UBA6: variants seen among roughly 807,000 people sequenced by gnomAD.
UBA6 encodes the protein ubiquitin-like modifier-activating enzyme 6.
A neutral mutation model predicts 148.3 loss-of-function variants in UBA6; 87 were observed. That is an observed-to-expected ratio of 0.59 (90% confidence interval 0.49 to 0.70). UBA6 has a LOEUF of 0.70. UBA6 is among the 30% of genes least tolerant of loss of function. UBA6 has a pLI of 0.00. For synonymous variants in UBA6, 376 were observed against 401.0 expected (o/e 0.94, Z 0.75); for missense variants, 1,186 against 1,241.2 (o/e 0.96, Z 0.67).
intron 32 of UBA6, among the ~76,000 whole-genome samples, chr4:67,621,531 A>G (rs1458174076): frequency 1.3e-5 from 2 of 152,240 alleles, no homozygotes; most frequent in Non-Finnish European, 2.9e-5. Flanking sequence ...GGCCGGGCAC[A>G]GTGGCTCACG....
Position 67,615,405 on chromosome 4 carries a change from T to G in UBA6, c.*3592A>C, listed in dbSNP as rs2109887452. Reference sequence around the variant, plus strand: ...TGCTGAACCATGAGCCAAATAAACCTTTTTTCTTTATGAATTACCGAGTCT... The same window carrying G: ...TGCTGAACCATGAGCCAAATAAACCGTTTTTCTTTATGAATTACCGAGTCT... On this transcript the variant is annotated 3_prime_UTR_variant, in exon 33 of 33. Coordinates refer to ENST00000322244, the MANE Select transcript of UBA6 (RefSeq NM_018227.6). 1 of 152,296 alleles carries G rather than the reference T, an allele frequency of 6.6e-6. No homozygotes were observed. Among genetic ancestry groups the G allele is most frequent in the East Asian group, 1.9e-4 (1 of 5,182 alleles). The allele number at this position is 152,296 out of a possible 1,614,324, so 9.4% of individuals were successfully genotyped here.
In UBA6 at chr4:67,648,082, T is replaced by C. The variant is rs145746740; in HGVS notation, c.1248+986A>G. ...GCCACTGCGCCTGCCTTAACGGTCATCTTTAAACCAGATTTTTACTAATGT... is the reference window on the plus strand; with the variant it reads ...GCCACTGCGCCTGCCTTAACGGTCACCTTTAAACCAGATTTTTACTAATGT... On this transcript the variant is annotated intron_variant, in intron 14 of 32. Transcript: ENST00000322244. 3.7e-3 allele frequency among the ~76,000 whole-genome samples: 563 copies of C among 151,954 alleles called. 3 individuals carry two copies. Among genetic ancestry groups the C allele is most frequent in the African/African-American group, 0.013 (542 of 41,480 alleles).
intron 1 of UBA6, among the ~76,000 whole-genome samples, chr4:67,698,714 C>T (rs570909537): frequency 6.6e-6 from 1 of 152,348 alleles, no homozygotes; most frequent in East Asian, 1.9e-4. Context: ...AATCCCAGCA[C>T]TTTGGGAGGC....
chr4:67,651,421 T>C (rs961032653), intron 13 of UBA6, among the ~76,000 whole-genome samples: 1 of 152,152 alleles, frequency 6.6e-6, no homozygotes, highest in African/African-American at 2.4e-5. Flanking sequence ...CTGGTAAAAC[T>C]ATTAGATGAA....
At position 67,701,105 on chromosome 4, in the gene UBA6, C is replaced by T. The variant is rs138912167; in HGVS notation, c.15G>A (p.Glu5=). Residue 5 remains glutamate (E), a synonymous_variant, in exon 1 of 33, where the codon GAG becomes GAA. Transcript: ENST00000322244. ...CTTCCCCCTGATGGGCGGCCACAGG[C>T]TCGGATCCTTCCATTGCCGCCTGAG... The part of the protein sequence containing the change: MEGS[E]PVAAHQGEEA... 2.9e-5 allele frequency: 47 copies of T among 1,613,464 alleles called. 1 individual carries two copies. The East Asian group carries it at 9.4e-4, about 32-fold the overall frequency.
At chr4:67,690,168 A>G (rs946249669) in intron 2 of UBA6, among the ~76,000 whole-genome samples, 2 of 152,116 alleles carry the variant, frequency 1.3e-5, no homozygotes, top group Non-Finnish European at 2.9e-5. Context: ...TATCTTTGAT[A>G]AAAAAGTAGT....
chr4:67,651,820 T>C (rs1192058214), intron 13 of UBA6, among the ~76,000 whole-genome samples: 1 of 152,086 alleles, frequency 6.6e-6, no homozygotes, highest in Non-Finnish European at 1.5e-5. Context: ...AAAAATGCCA[T>C]GACATTTCAA....
chr4:67,645,583 C>T (rs376686287), intron 16 of UBA6, among the ~76,000 whole-genome samples: 12 of 149,664 alleles, frequency 8.0e-5, no homozygotes, highest in Admixed American at 2.0e-4. Flanking sequence ...AGTGACAGAG[C>T]GAGACTTTGT....
intron 6 of UBA6, 62 bp from the exon 7 acceptor site, chr4:67,673,839 T>C (rs1730211069): frequency 8.4e-7 from 1 of 1,184,184 alleles, no homozygotes; most frequent in Admixed American, 1.9e-5. Flanking sequence ...TAGTATACAA[T>C]AATCAGAAGC....
chr4:67,631,560 A>G (rs1728997381), intron 25 of UBA6, 148 bp downstream of exon 25: 2 of 594,562 alleles, frequency 3.4e-6, no homozygotes, highest in African/African-American at 1.9e-5. Context: ...TTTCTTGGTC[A>G]GAATGACTTG....
chr4:67,620,544 T>A (rs1461560352), intron 32 of UBA6, among the ~76,000 whole-genome samples: 2 of 152,080 alleles, frequency 1.3e-5, no homozygotes, highest in Non-Finnish European at 2.9e-5. Flanking sequence ...CAATGGAGCA[T>A]CATTAGAGTG....
chr4:67,648,637 T>C (rs1729480923), intron 14 of UBA6, among the ~76,000 whole-genome samples: 1 of 152,132 alleles, frequency 6.6e-6, no homozygotes, highest in Non-Finnish European at 1.5e-5. Context: ...TCATACCCCA[T>C]GTAACTCTAA....
At chr4:67,646,295 T>C (rs1181843360) in intron 15 of UBA6, among the ~76,000 whole-genome samples, 2 of 152,180 alleles carry the variant, frequency 1.3e-5, no homozygotes, top group Non-Finnish European at 2.9e-5. Flanking sequence ...GGAAAGTTCT[T>C]AGAGGAATCT....
intron 17 of UBA6, among the ~76,000 whole-genome samples, chr4:67,642,814 G>A (rs1482996577): frequency 6.6e-6 from 1 of 151,690 alleles, no homozygotes; most frequent in Non-Finnish European, 1.5e-5. Flanking sequence ...ATTATCTTTG[G>A]AATATATTGC....
Position 67,670,579 on chromosome 4 carries a change from T to A in UBA6, c.560A>T (p.Asp187Val), listed in dbSNP as rs372076749. The change falls in exon 8 of 33, where the codon GAT (aspartate) becomes GTT (valine). Residue 187 changes from aspartate (D) to valine (V), a missense_variant. Coordinates refer to ENST00000322244, the MANE Select transcript of UBA6 (RefSeq NM_018227.6). ...TAACCTTGACCAAATTCCATGTACATCTGCACTGATAAACTGTAAAATGGC... is the reference window on the plus strand; with the variant it reads ...TAACCTTGACCAAATTCCATGTACAACTGCACTGATAAACTGTAAAATGGC... Reference protein sequence around the residue: ...QCPPIKFISADVHGIWSRLFC... With the variant: ...QCPPIKFISAVVHGIWSRLFC... 2 of 1,609,710 alleles carry A rather than the reference T, an allele frequency of 1.2e-6. No homozygotes were observed. Among genetic ancestry groups the A allele is most frequent in the African/African-American group, 2.7e-5 (2 of 74,740 alleles).
chr4:67,675,458 C>T (rs999850231), intron 6 of UBA6, among the ~76,000 whole-genome samples: 7 of 152,182 alleles, frequency 4.6e-5, no homozygotes, highest in East Asian at 1.9e-4. Flanking sequence ...AGGCTGGGCA[C>T]GGTGGCTCAC....
intron 2 of UBA6, among the ~76,000 whole-genome samples, chr4:67,687,058 CAG>C (rs1730588973): frequency 1.1e-5 from 1 of 94,524 alleles, no homozygotes; most frequent in African/African-American, 4.3e-5. Context: ...TTTTTTGAGA[CAG>C]AGTCTCACTT....
chr4:67,624,158 T>C lies in UBA6; in HGVS notation c.2808A>G (p.Thr936=). The C allele has an allele frequency of 6.2e-7, 1 of 1,607,796 alleles. No homozygotes were observed. The highest frequency in any genetic ancestry group is 8.5e-7 in the Non-Finnish European group (1 of 1,177,318). The change falls in exon 30 of 33, where the codon ACA becomes ACG. Residue 936 remains threonine (T), a synonymous_variant. Coordinates refer to ENST00000322244, the MANE Select transcript of UBA6 (RefSeq NM_018227.6). ...TAGTTTTCCTTACTTCAGTTGTCTC[T>C]GTAAATACTACAATTGGAATGGCTA... ...LNLAIPIVVF[T]ETTEVRKTKI...
At chr4:67,664,038 G>T in intron 10 of UBA6, 91 bp from the exon 11 acceptor site, 2 of 1,001,882 alleles carry the variant, frequency 2.0e-6, no homozygotes. Context: ...AAAAACTAGG[G>T]AACTCTCCCA....
Sources: gnomAD v4.1 joint callset for allele counts (sites outside exome capture counted in the v4.1 genomes callset) on GRCh38, gnomAD v4.1.1 for gene constraint, MANE v1.5 for transcripts, NCBI Gene and HGNC (gene_info 2026-07-23, HGNC 2026-07-21) for gene names.